ROR1: variants seen among roughly 807,000 people sequenced by gnomAD.
ROR1 encodes the protein ROR family WNT receptor 1.
ROR1 carries 19 observed loss-of-function variants against 78.8 expected under a neutral mutation model. The observed-to-expected ratio is 0.24, with a 90% confidence interval of 0.17 to 0.35. ROR1 has a LOEUF of 0.35. Ranked by LOEUF, ROR1 falls within the 10% of genes least tolerant of loss-of-function variation. The pLI is 1.00. For missense variants in ROR1, 917 were observed against 1,177.8 expected (o/e 0.78, Z 3.24); for synonymous variants, 386 against 433.6 (o/e 0.89, Z 1.36).
At chr1:64,109,078 C>T (rs992740505) in intron 4 of ROR1, among the ~76,000 whole-genome samples, 3 of 152,142 alleles carry the variant, frequency 2.0e-5, no homozygotes, top group Non-Finnish European at 4.4e-5. Context: ...TACAAACCCC[C>T]GGCTTAGATC....
At chr1:63,967,257 A>T (rs981902029) in intron 1 of ROR1, among the ~76,000 whole-genome samples, 1 of 152,170 alleles carries the variant, frequency 6.6e-6, no homozygotes, top group African/African-American at 2.4e-5. Flanking sequence ...AGAATTTTTC[A>T]TTCCTTCTGG....
At chr1:64,026,486 G>A (rs1646610767) in intron 2 of ROR1, among the ~76,000 whole-genome samples, 1 of 152,162 alleles carries the variant, frequency 6.6e-6, no homozygotes, top group Admixed American at 6.5e-5. Flanking sequence ...AACTGTGTAT[G>A]CTGTATTCAA....
At chr1:64,060,013 A>G (rs17126080) in intron 4 of ROR1, among the ~76,000 whole-genome samples, 6,759 of 151,806 alleles carry the variant, frequency 0.045, 503 homozygotes, top group African/African-American at 0.16. Context: ...TTTTTTTCCT[A>G]TATATCCACT....
intron 1 of ROR1, among the ~76,000 whole-genome samples, chr1:63,831,987 AG>A (rs1388162328): frequency 8.5e-5 from 13 of 152,168 alleles, no homozygotes; most frequent in Non-Finnish European, 1.5e-4. Flanking sequence ...CTCAAGTTTA[AG>A]GTTACACAGA....
intron 1 of ROR1, among the ~76,000 whole-genome samples, chr1:63,870,372 G>A (rs1260414273): frequency 6.6e-6 from 1 of 152,272 alleles, no homozygotes; most frequent in Admixed American, 6.5e-5. Context: ...GTGAGAATAG[G>A]AATTAGGTAG....
intron 1 of ROR1, among the ~76,000 whole-genome samples, chr1:63,876,445 C>A (rs1645285414): frequency 6.6e-6 from 1 of 152,080 alleles, no homozygotes; most frequent in African/African-American, 2.4e-5. Context: ...CCCCAACCAC[C>A]TCCATCCAAC....
Position 63,815,484 on chromosome 1 carries a change from C to CTT in ROR1, c.91+40991_91+40992dup, listed in dbSNP as rs34749985. Among the ~76,000 whole-genome samples, 55 of 85,282 alleles carry CTT rather than the reference C, an allele frequency of 6.4e-4. No individual in the cohort carries two copies. In the South Asian group the frequency reaches 9.3e-3, roughly 14 times the overall value. The allele number at this position is 85,282 out of a possible 152,430, so 55.9% of individuals were successfully genotyped here. On this transcript the variant is annotated intron_variant, in intron 1 of 8. Transcript: ENST00000371079. ...TTTTCTTTTCTTTTCTTTTCTTTTT[C>CTT]TTTTTTTTTTTTTTTTGAGTACTCA...
intron 2 of ROR1, among the ~76,000 whole-genome samples, chr1:64,020,390 C>T (rs1039949211): frequency 3.3e-5 from 5 of 152,130 alleles, no homozygotes; most frequent in South Asian, 2.1e-4. Context: ...CTACCATGGA[C>T]GAGGCCTGTA....
chr1:64,115,544 A>G (rs1410714301), intron 4 of ROR1, among the ~76,000 whole-genome samples: 1 of 151,954 alleles, frequency 6.6e-6, no homozygotes, highest in East Asian at 1.9e-4. Flanking sequence ...TCATCTGTAT[A>G]AGAGGGTAAA....
chr1:64,134,394 C>T (rs1359032591), intron 4 of ROR1, among the ~76,000 whole-genome samples: 1 of 152,080 alleles, frequency 6.6e-6, no homozygotes, highest in African/African-American at 2.4e-5. Flanking sequence ...GGATAGTGGC[C>T]TCATCTTGAG....
intron 1 of ROR1, among the ~76,000 whole-genome samples, chr1:63,955,272 A>G (rs1645972004): frequency 6.6e-6 from 1 of 152,354 alleles, no homozygotes; most frequent in East Asian, 1.9e-4. Context: ...CTTTAAAAAA[A>G]TCCTCTTAAC....
At chr1:64,014,639 G>A (rs1371614676) in intron 2 of ROR1, among the ~76,000 whole-genome samples, 2 of 138,252 alleles carry the variant, frequency 1.4e-5, no homozygotes, top group African/African-American at 5.4e-5. Flanking sequence ...CAGAAATGGA[G>A]GGAACCTACT....
At position 64,109,397 on chromosome 1, in the gene ROR1, G is replaced by A. The variant is rs148997624; in HGVS notation, c.483-27972G>A. On this transcript the variant is annotated intron_variant, in intron 4 of 8. Transcript: ENST00000371079. ...CAGAAAGGATAAGTAACTTCTCCAGGGTATTTTCTGAGCACTCTGAGCAGG... is the reference window on the plus strand; with the variant it reads ...CAGAAAGGATAAGTAACTTCTCCAGAGTATTTTCTGAGCACTCTGAGCAGG... Among the ~76,000 whole-genome samples the A allele has an allele frequency of 1.8e-3, 271 of 152,134 alleles. 2 individuals carry two copies. The highest frequency in any genetic ancestry group is 5.9e-3 in the African/African-American group (245 of 41,488).
chr1:63,986,410 T>C (rs1412903100), intron 1 of ROR1, among the ~76,000 whole-genome samples: 1 of 152,150 alleles, frequency 6.6e-6, no homozygotes, highest in East Asian at 1.9e-4. Context: ...GGAAGAGGAA[T>C]GAAAATGGGC....
rs1260542917 is a variant in ROR1, at chr1:64,158,963, T to C, written c.1175-18T>C. ...TTTAAAGAGTATAACTTTTGCTCTT[T>C]TTCATTTCTGCACCCAGATTCAAAG... On this transcript the variant is annotated intron_variant, in intron 7 of 8. Coordinates refer to ENST00000371079, the MANE Select transcript of ROR1 (RefSeq NM_005012.4). 1.2e-6 allele frequency: 2 copies of C among 1,603,424 alleles called. No individual in the cohort carries two copies. The highest frequency in any genetic ancestry group is 1.7e-6 in the Non-Finnish European group (2 of 1,170,528).
intron 4 of ROR1, among the ~76,000 whole-genome samples, chr1:64,077,525 G>T (rs927268026): frequency 1.3e-4 from 20 of 152,230 alleles, no homozygotes; most frequent in African/African-American, 4.3e-4. Flanking sequence ...GGCCTGCTTT[G>T]TGAGTGGGGC....
intron 1 of ROR1, among the ~76,000 whole-genome samples, chr1:63,786,256 ATTTT>A (rs34933492): frequency 3.3e-4 from 22 of 67,496 alleles, no homozygotes; most frequent in African/African-American, 1.1e-3. Flanking sequence ...CTACAACTTG[ATTTT>A]TTTTTTTTTT....
chr1:63,838,214 C>A (rs1323745824), intron 1 of ROR1, among the ~76,000 whole-genome samples: 1 of 151,990 alleles, frequency 6.6e-6, no homozygotes, highest in Non-Finnish European at 1.5e-5. Flanking sequence ...ATTTACTATA[C>A]TTTTTATTAT....
At chr1:64,004,271 A>T (rs1646410525) in intron 1 of ROR1, among the ~76,000 whole-genome samples, 2 of 152,196 alleles carry the variant, frequency 1.3e-5, no homozygotes, top group East Asian at 3.9e-4. Context: ...GGCATTTTCC[A>T]CAGTACCTGT....
Sources: allele counts gnomAD v4.1 joint callset (sites outside exome capture counted in the v4.1 genomes callset), GRCh38; gene constraint gnomAD v4.1.1; transcripts MANE v1.5; gene names NCBI Gene and HGNC (gene_info 2026-07-23, HGNC 2026-07-21).